Variants in NKAIN2 observed in about 807,000 individuals in gnomAD.
NKAIN2 encodes sodium/potassium transporting ATPase interacting 2, also known as sodium/potassium-transporting ATPase subunit beta-1-interacting protein 2.
In NKAIN2, 14 loss-of-function variants were observed where a neutral mutation model predicts 32.6. The observed-to-expected ratio is 0.43, with a 90% CI of 0.28 to 0.67. NKAIN2 has a LOEUF of 0.67. NKAIN2 is among the 30% of genes least tolerant of loss of function. The pLI, the probability that NKAIN2 is intolerant of heterozygous loss-of-function variation, is 0.17. For synonymous variants in NKAIN2, 80 were observed against 87.2 expected (o/e 0.92, Z 0.46); for missense variants, 198 against 258.3 (o/e 0.77, Z 1.60).
At chr6:123,886,423 A>T (rs940991957) in intron 1 of NKAIN2, among the ~76,000 whole-genome samples, 2 of 152,116 alleles carry the variant, frequency 1.3e-5, no homozygotes, top group Non-Finnish European at 2.9e-5. Context: ...AAACAAGGAC[A>T]CCAAATATAT....
At chr6:124,410,626 A>G (rs1378451804) in intron 3 of NKAIN2, among the ~76,000 whole-genome samples, 1 of 152,148 alleles carries the variant, frequency 6.6e-6, no homozygotes, top group Non-Finnish European at 1.5e-5. Context: ...CCATGTGGTC[A>G]ATTTTGGAAT....
rs867140150 is a variant in NKAIN2 at position 124,099,821 on chromosome 6, C to G, written c.55-183184C>G. 2.6e-5 allele frequency among the ~76,000 whole-genome samples: 4 copies of G among 152,230 alleles called. No individual in the cohort carries two copies. In the Middle Eastern group the frequency reaches 0.014, roughly 518 times the overall value. ...ACCACAGCAACAAAGAATTATCCAA[C>G]CCAAAATATCAATAGTGCTGAGGCT... On this transcript the variant is annotated intron_variant, in intron 1 of 6. Coordinates refer to ENST00000368417, the MANE Select transcript of NKAIN2 (RefSeq NM_001040214.3).
At chr6:124,054,304 C>T (rs1782547410) in intron 1 of NKAIN2, among the ~76,000 whole-genome samples, 1 of 152,002 alleles carries the variant, frequency 6.6e-6, no homozygotes, top group Non-Finnish European at 1.5e-5. Flanking sequence ...GAAAGCCTGA[C>T]AGTGTAAAAT....
At chr6:124,133,742 C>G (rs1786590529) in intron 1 of NKAIN2, among the ~76,000 whole-genome samples, 1 of 152,030 alleles carries the variant, frequency 6.6e-6, no homozygotes, top group Non-Finnish European at 1.5e-5. Flanking sequence ...GCAAAATCAG[C>G]ACAGAAGACT....
At chr6:124,782,686 C>A (rs1264241866) in intron 4 of NKAIN2, among the ~76,000 whole-genome samples, 1 of 152,184 alleles carries the variant, frequency 6.6e-6, no homozygotes, top group Middle Eastern at 3.4e-3. Context: ...TATCTCTGAT[C>A]AAAAATGATG....
intron 2 of NKAIN2, among the ~76,000 whole-genome samples, chr6:124,310,361 A>AT (rs1394764568): frequency 6.6e-6 from 1 of 152,092 alleles, no homozygotes; most frequent in African/African-American, 2.4e-5. Context: ...GTAATAAGAG[A>AT]TTTTCATTCC....
chr6:124,025,315 G>A (rs1176033176), intron 1 of NKAIN2, among the ~76,000 whole-genome samples: 1 of 152,126 alleles, frequency 6.6e-6, no homozygotes, highest in Non-Finnish European at 1.5e-5. Context: ...ACATGCAGTA[G>A]GAGATCGGAT....
At chr6:123,967,930 G>A (rs186753691) in intron 1 of NKAIN2, among the ~76,000 whole-genome samples, 35 of 152,196 alleles carry the variant, frequency 2.3e-4, no homozygotes, top group Admixed American at 9.2e-4. Context: ...ATAAAGTGAC[G>A]CTCTAAGGGC....
At chr6:124,753,238 G>C (rs1777809296) in intron 4 of NKAIN2, among the ~76,000 whole-genome samples, 1 of 152,164 alleles carries the variant, frequency 6.6e-6, no homozygotes, top group Admixed American at 6.6e-5. Flanking sequence ...AGAAGGGCAA[G>C]TGTTTCATGT....
At chr6:124,464,792 G>C (rs947155980) in intron 3 of NKAIN2, among the ~76,000 whole-genome samples, 33 of 152,078 alleles carry the variant, frequency 2.2e-4, no homozygotes, top group African/African-American at 7.0e-4. Context: ...TTTGAAGTCA[G>C]GTCACGTGAT....
intron 3 of NKAIN2, among the ~76,000 whole-genome samples, chr6:124,470,579 G>T (rs994643993): frequency 1.3e-5 from 2 of 152,062 alleles, no homozygotes; most frequent in Admixed American, 6.6e-5. Context: ...CACATACAAA[G>T]AAATAGTAAA....
intron 5 of NKAIN2, among the ~76,000 whole-genome samples, chr6:124,808,976 TTAAA>T (rs1780739089): frequency 6.6e-6 from 1 of 152,048 alleles, no homozygotes; most frequent in African/African-American, 2.4e-5. Context: ...CTCAAGGAAA[TTAAA>T]GAGGATACAA....
At chr6:123,825,840 A>G (rs955969007) in intron 1 of NKAIN2, among the ~76,000 whole-genome samples, 3 of 152,176 alleles carry the variant, frequency 2.0e-5, no homozygotes, top group African/African-American at 7.2e-5. Context: ...GTTTTCAAAC[A>G]GTAGCCCATC....
chr6:124,169,893 A>G (rs1452363871), intron 1 of NKAIN2, among the ~76,000 whole-genome samples: 2 of 152,138 alleles, frequency 1.3e-5, no homozygotes, highest in Admixed American at 1.3e-4. Context: ...TTTGGGTCAA[A>G]TGCTCAGCCT....
chr6:124,470,507 A>G (rs183999994), intron 3 of NKAIN2, among the ~76,000 whole-genome samples: 2 of 152,268 alleles, frequency 1.3e-5, no homozygotes, highest in African/African-American at 4.8e-5. Flanking sequence ...AGGTTTTATT[A>G]TGATTATAAT....
chr6:124,200,051 G>T (rs1456120558), intron 1 of NKAIN2, among the ~76,000 whole-genome samples: 6 of 152,132 alleles, frequency 3.9e-5, no homozygotes, highest in Admixed American at 2.0e-4. Context: ...AATCAGTGAA[G>T]AAGATACCTT....
chr6:124,291,353 T>A (rs1187118685), intron 2 of NKAIN2, among the ~76,000 whole-genome samples: 1 of 80,038 alleles, frequency 1.2e-5, no homozygotes, highest in African/African-American at 1.4e-4. Flanking sequence ...TTGTGTAGTC[T>A]TTTTTTTATT....
At chr6:124,081,767 A>G (rs572101930) in intron 1 of NKAIN2, among the ~76,000 whole-genome samples, 1 of 152,248 alleles carries the variant, frequency 6.6e-6, no homozygotes, top group Non-Finnish European at 1.5e-5. Flanking sequence ...TATTAGTGCC[A>G]GAATTTACTT....
intron 3 of NKAIN2, among the ~76,000 whole-genome samples, chr6:124,586,290 C>T (rs1188244187): frequency 1.3e-5 from 2 of 152,198 alleles, no homozygotes; most frequent in Non-Finnish European, 2.9e-5. Flanking sequence ...ATGGAACTCT[C>T]ATACATCAGA....
Sources: allele counts gnomAD v4.1 joint callset (sites outside exome capture counted in the v4.1 genomes callset), GRCh38; gene constraint gnomAD v4.1.1; transcripts MANE v1.5; gene names NCBI Gene and HGNC (gene_info 2026-07-23, HGNC 2026-07-21).